Variants in DLGAP1 observed in about 807,000 individuals in gnomAD.
DLGAP1 encodes DLG associated protein 1, also known as disks large-associated protein 1.
Under a neutral mutation model 90.8 loss-of-function variants are expected in DLGAP1, and 11 were observed. The ratio of observed to expected loss-of-function variants is 0.12; its 90% CI spans 0.08 to 0.20. The LOEUF (loss-of-function observed/expected upper bound fraction) is 0.20, where lower values mean the gene tolerates loss of function less well. Among genes scored for constraint, DLGAP1 ranks in the 10% least tolerant of loss-of-function variants. The pLI, the probability that DLGAP1 is intolerant of heterozygous loss-of-function variation, is 1.00. For synonymous variants in DLGAP1, 558 were observed against 540.7 expected, an observed-to-expected ratio of 1.03 and a Z score of -0.44; for missense variants, 1,050 against 1,333.8, an observed-to-expected ratio of 0.79 and a Z score of 3.31.
chr18:3,605,302 CCTT>C (rs1364380329), intron 7 of DLGAP1, among the ~76,000 whole-genome samples: 9 of 152,206 alleles, frequency 5.9e-5, no homozygotes, highest in East Asian at 1.9e-4. Flanking sequence ...TCAGGAATGT[CCTT>C]CTGAATGCCT....
At chr18:3,534,696 T>C in intron 9 of DLGAP1, 81 bp from the exon 10 acceptor site, 25 of 658,890 alleles carry the variant, frequency 3.8e-5, no homozygotes, top group Admixed American at 1.7e-4. Flanking sequence ...CTTTCTTTCT[T>C]TTTTTTTTTT....
At chr18:4,300,696 T>C (rs771831631) in intron 1 of DLGAP1, among the ~76,000 whole-genome samples, 3 of 152,190 alleles carry the variant, frequency 2.0e-5, no homozygotes, top group Admixed American at 6.5e-5. Context: ...TTCACGATTT[T>C]ATGTGTACAT....
At chr18:3,897,804 T>G (rs1460066589) in intron 3 of DLGAP1, among the ~76,000 whole-genome samples, 1 of 115,136 alleles carries the variant, frequency 8.7e-6, no homozygotes, top group African/African-American at 3.4e-5. Context: ...TTTTTTTTTT[T>G]TGAGACGGAG....
intron 7 of DLGAP1, among the ~76,000 whole-genome samples, chr18:3,720,392 T>C (rs1314249368): frequency 1.3e-5 from 2 of 152,236 alleles, no homozygotes; most frequent in African/African-American, 4.8e-5. Flanking sequence ...TGATTTGTCA[T>C]TAAAATAAAT....
intron 1 of DLGAP1, among the ~76,000 whole-genome samples, chr18:4,271,959 C>T (rs62086534): frequency 0.041 from 6,201 of 152,228 alleles, 152 homozygotes; most frequent in African/African-American, 0.076. Context: ...AGGAATGGCT[C>T]TTCTGCAAGA....
Position 3,824,572 on chromosome 18 carries a change from C to T in DLGAP1, c.958-10299G>A, listed in dbSNP as rs78327093. Among the ~76,000 whole-genome samples the T allele has an allele frequency of 7.0e-4, 106 of 152,136 alleles. 1 individual carries two copies. The East Asian group carries it at 0.011, about 16-fold the overall frequency. On this transcript the variant is annotated intron_variant, in intron 4 of 12. Transcript: ENST00000315677. ...AAATTAAAAATTTTAAAAAAGGTTT[C>T]GGCAAATATTTTCCTTTAGTCTATT...
intron 1 of DLGAP1, among the ~76,000 whole-genome samples, chr18:4,230,682 G>A (rs2078281154): frequency 6.7e-6 from 1 of 149,460 alleles, no homozygotes; most frequent in Non-Finnish European, 1.5e-5. Context: ...TACATAAATA[G>A]AAAGAATGAC....
intron 7 of DLGAP1, among the ~76,000 whole-genome samples, chr18:3,644,401 TTTTA>T (rs376019924): frequency 1.1e-4 from 17 of 150,776 alleles, no homozygotes; most frequent in South Asian, 2.1e-4. Context: ...TACTATTTTA[TTTTA>T]TTTATTTATT....
intron 9 of DLGAP1, among the ~76,000 whole-genome samples, chr18:3,545,472 A>AAT (rs2052958842): frequency 6.6e-6 from 1 of 152,210 alleles, no homozygotes; most frequent in African/African-American, 2.4e-5. Flanking sequence ...TAAATGGTCT[A>AAT]ATCACTCCAA....
chr18:3,885,846 C>T (rs907591216), intron 3 of DLGAP1, among the ~76,000 whole-genome samples: 1 of 152,150 alleles, frequency 6.6e-6, no homozygotes, highest in Non-Finnish European at 1.5e-5. Flanking sequence ...GTTCCAACAC[C>T]TGGAGCAGAA....
intron 3 of DLGAP1, among the ~76,000 whole-genome samples, chr18:3,990,010 T>C (rs542530962): frequency 5.4e-4 from 82 of 152,024 alleles, no homozygotes; most frequent in Admixed American, 1.5e-3. Context: ...TGTGGAGAAA[T>C]AGGAACACTT....
chr18:4,336,174 G>A (rs2081063627), intron 1 of DLGAP1, among the ~76,000 whole-genome samples: 1 of 152,136 alleles, frequency 6.6e-6, no homozygotes, highest in African/African-American at 2.4e-5. Context: ...GCTGCCCATT[G>A]GCACAGAAAA....
In DLGAP1 at chr18:4,342,502, T is replaced by G. The variant is rs78261529; in HGVS notation, c.-267+112504A>C. Among the ~76,000 whole-genome samples the G allele has an allele frequency of 0.032, 4,799 of 152,302 alleles. 235 individuals carry two copies. Among genetic ancestry groups the G allele is most frequent in the African/African-American group, 0.11 (4,368 of 41,546 alleles). The stretch of plus-strand genomic sequence containing the variant: ...TAACTTTGATCAAATGGCCTAATGT[T>G]ACCTCATTGCCCACTTTGAAAGACC... On this transcript the variant is annotated intron_variant, in intron 1 of 12. Coordinates refer to ENST00000315677, the MANE Select transcript of DLGAP1 (RefSeq NM_004746.4). The surrounding 1 kb of genome is among the most constrained non-coding windows in gnomAD (Gnocchi z 5.8).
chr18:4,068,372 C>T (rs8088425), intron 2 of DLGAP1, among the ~76,000 whole-genome samples: 66,102 of 150,896 alleles, frequency 0.44, 15,531 homozygotes, highest in African/African-American at 0.61. Context: ...TGTTTATGTA[C>T]GTAGGCATAT....
At chr18:4,258,022 C>T (rs1368131803) in intron 1 of DLGAP1, among the ~76,000 whole-genome samples, 2 of 147,076 alleles carry the variant, frequency 1.4e-5, no homozygotes, top group Admixed American at 1.3e-4. Context: ...CGCGCGCGCG[C>T]GTATAACCTA....
chr18:4,058,234 C>T (rs1183570041), intron 2 of DLGAP1, among the ~76,000 whole-genome samples: 1 of 152,202 alleles, frequency 6.6e-6, no homozygotes, highest in East Asian at 1.9e-4. Context: ...GGGAACAAAT[C>T]TGTCTCTTCT....
chr18:3,545,552 CT>C (rs2052964554), intron 9 of DLGAP1, among the ~76,000 whole-genome samples: 1 of 152,074 alleles, frequency 6.6e-6, no homozygotes, highest in Non-Finnish European at 1.5e-5. Context: ...GAAAAACCTA[CT>C]TTAAAAATAG....
In DLGAP1 at chr18:4,083,422, A is replaced by C. The variant is rs1450939240; in HGVS notation, c.-159+67758T>G. On this transcript the variant is annotated intron_variant, in intron 2 of 12. Coordinates refer to ENST00000315677, the MANE Select transcript of DLGAP1 (RefSeq NM_004746.4). ...TCCTGCAGAAAATATGAAAAAAATT[A>C]CATGTAATTAACCAAGTAGAGAAAA... is the stretch of plus-strand genomic sequence containing the variant. 2.0e-5 allele frequency among the ~76,000 whole-genome samples: 3 copies of C among 152,232 alleles called. No individual in the cohort carries two copies. The East Asian group carries it at 5.8e-4, about 29-fold the overall frequency.
At chr18:3,662,120 G>A (rs541773801) in intron 7 of DLGAP1, among the ~76,000 whole-genome samples, 2 of 152,000 alleles carry the variant, frequency 1.3e-5, no homozygotes, top group East Asian at 3.9e-4. Context: ...TTTTTTTAAA[G>A]CTACACACAG....
Sources: allele counts gnomAD v4.1 joint callset (sites outside exome capture counted in the v4.1 genomes callset), GRCh38; gene constraint gnomAD v4.1.1; non-coding constraint Gnocchi (gnomAD v3.1); transcripts MANE v1.5; gene names NCBI Gene and HGNC (gene_info 2026-07-23, HGNC 2026-07-21).